Variants in RASAL2 observed in about 807,000 individuals in gnomAD.
The protein encoded by RASAL2 is ras GTPase-activating protein nGAP.
RASAL2 carries 58 observed loss-of-function variants against 128.9 expected under a neutral mutation model. That is an observed-to-expected ratio of 0.45 (90% CI 0.36 to 0.56). The LOEUF (loss-of-function observed/expected upper bound fraction) is 0.56. Among genes scored for constraint, RASAL2 ranks in the 20% least tolerant of loss-of-function variants. The pLI is 0.00. For synonymous variants in RASAL2, 561 were observed against 580.8 expected (o/e 0.97, Z 0.49); for missense variants, 1,360 against 1,601.6 (o/e 0.85, Z 2.57).
At chr1:178,261,790 G>A (rs1025365199) in intron 1 of RASAL2, among the ~76,000 whole-genome samples, 15 of 151,878 alleles carry the variant, frequency 9.9e-5, no homozygotes, top group Non-Finnish European at 2.1e-4. Flanking sequence ...GGTGGTGGGC[G>A]CCTGTCATCC....
chr1:178,286,542 C>T (rs1667035894), intron 2 of RASAL2, among the ~76,000 whole-genome samples: 1 of 152,128 alleles, frequency 6.6e-6, no homozygotes, highest in African/African-American at 2.4e-5. Context: ...TCCCGAGTAG[C>T]TGGGATTACA....
At chr1:178,258,293 C>CAAAAAAA (rs993642772) in intron 1 of RASAL2, among the ~76,000 whole-genome samples, 1 of 69,406 alleles carries the variant, frequency 1.4e-5, no homozygotes, top group South Asian at 5.2e-4. Flanking sequence ...GACTGCATCT[C>CAAAAAAA]AAAAAAAAAA....
At chr1:178,292,201 A>AT (rs1667310967) in intron 2 of RASAL2, among the ~76,000 whole-genome samples, 1 of 152,192 alleles carries the variant, frequency 6.6e-6, no homozygotes, top group Non-Finnish European at 1.5e-5. Flanking sequence ...GGGGGTGTTT[A>AT]TTGCTGTGTT....
rs186600203 is a variant in RASAL2, at chr1:178,123,466, A to T, written c.202+28772A>T. 1.1e-4 allele frequency among the ~76,000 whole-genome samples: 17 copies of T among 152,332 alleles called. No individual in the cohort carries two copies. In the East Asian group the frequency reaches 3.3e-3, roughly 29 times the overall value. On this transcript the variant is annotated intron_variant, in intron 1 of 17. Coordinates refer to ENST00000367649, the MANE Select transcript of RASAL2 (RefSeq NM_170692.4). ...GAACATCTAATTTTTGTTTAACCAA[A>T]GTAGAAAGTACTGTAATGCTTCTAA...
intron 1 of RASAL2, among the ~76,000 whole-genome samples, chr1:178,103,826 C>T (rs951626712): frequency 2.6e-5 from 4 of 151,962 alleles, no homozygotes; most frequent in African/African-American, 7.2e-5. Flanking sequence ...TTATGGTATT[C>T]CCCCCACCCT....
rs569416014 is a variant in RASAL2, at chr1:178,433,384, A to G, written c.675-6038A>G. On this transcript the variant is annotated intron_variant, in intron 5 of 17. Transcript: ENST00000367649. ...CATCCTTTTTCGTAAGTCTTGTCACATTGTATTATAATGGATTGTTAACTC... is the reference window on the plus strand; with the variant it reads ...CATCCTTTTTCGTAAGTCTTGTCACGTTGTATTATAATGGATTGTTAACTC... Among the ~76,000 whole-genome samples the G allele has an allele frequency of 4.3e-3, 651 of 152,146 alleles. 3 individuals carry two copies. The highest frequency in any genetic ancestry group is 7.8e-3 in the Non-Finnish European group (533 of 67,980).
intron 3 of RASAL2, among the ~76,000 whole-genome samples, chr1:178,334,717 C>T (rs1024841239): frequency 2.0e-5 from 3 of 152,150 alleles, no homozygotes; most frequent in African/African-American, 7.2e-5. Context: ...AAAAAATAGG[C>T]AGGCCGGATG....
intron 1 of RASAL2, among the ~76,000 whole-genome samples, chr1:178,120,313 T>C (rs1256752999): frequency 1.3e-5 from 2 of 152,230 alleles, no homozygotes; most frequent in Non-Finnish European, 2.9e-5. Flanking sequence ...AGTCCCCTGC[T>C]GTTTCACCAT....
intron 1 of RASAL2, among the ~76,000 whole-genome samples, chr1:178,272,592 A>T (rs544133205): frequency 6.6e-6 from 1 of 152,106 alleles, no homozygotes; most frequent in African/African-American, 2.4e-5. Flanking sequence ...CTCTCACTTT[A>T]GTTCAAGATG....
chr1:178,323,968 G>C (rs1668910060), intron 3 of RASAL2, among the ~76,000 whole-genome samples: 1 of 152,200 alleles, frequency 6.6e-6, no homozygotes, highest in African/African-American at 2.4e-5. Flanking sequence ...AACACATTCT[G>C]TCTGGAAGGA....
Position 178,470,885 on chromosome 1 carries a change from T to A in RASAL2, c.3679-2190T>A, listed in dbSNP as rs56254462. ...CCTTACAATCCAGGCAGAATTGAAATGTCCGAGCATCTTTTGTCAACTGAA... is the reference window on the plus strand; with the variant it reads ...CCTTACAATCCAGGCAGAATTGAAAAGTCCGAGCATCTTTTGTCAACTGAA... On this transcript the variant is annotated intron_variant, in intron 17 of 17. Coordinates refer to ENST00000367649, the MANE Select transcript of RASAL2 (RefSeq NM_170692.4). Among the ~76,000 whole-genome samples the A allele has an allele frequency of 9.6e-3, 1,462 of 152,358 alleles. 12 individuals are homozygous for A. Among genetic ancestry groups the A allele is most frequent in the Non-Finnish European group, 0.014 (984 of 68,036 alleles).
At chr1:178,128,966 G>T (rs1406525497) in intron 1 of RASAL2, among the ~76,000 whole-genome samples, 1 of 151,666 alleles carries the variant, frequency 6.6e-6, no homozygotes, top group Non-Finnish European at 1.5e-5. Context: ...TGGGTTGTTC[G>T]GCTATTATGA....
chr1:178,279,422 C>T (rs1302444401), intron 1 of RASAL2, among the ~76,000 whole-genome samples: 3 of 152,156 alleles, frequency 2.0e-5, no homozygotes, highest in African/African-American at 7.2e-5. Flanking sequence ...CATCCCTAAA[C>T]CAGGCCATTA....
intron 1 of RASAL2, among the ~76,000 whole-genome samples, chr1:178,148,490 C>T (rs1201086523): frequency 6.6e-6 from 1 of 151,612 alleles, no homozygotes; most frequent in Admixed American, 6.6e-5. Flanking sequence ...ACTTTGTCAG[C>T]CAGGCTAGAG....
At chr1:178,284,319 A>G (rs1348368083) in intron 2 of RASAL2, among the ~76,000 whole-genome samples, 2 of 152,220 alleles carry the variant, frequency 1.3e-5, no homozygotes, top group Non-Finnish European at 2.9e-5. Context: ...GTAAGACAGA[A>G]TAAACACTCC....
chr1:178,209,902 A>G (rs1231862199), intron 1 of RASAL2, among the ~76,000 whole-genome samples: 8 of 151,282 alleles, frequency 5.3e-5, no homozygotes, highest in Non-Finnish European at 1.2e-4. Context: ...ATTTATTTCT[A>G]TTTGAATTCT....
chr1:178,372,042 C>T (rs1173832303), intron 3 of RASAL2: 1 of 475,048 alleles, frequency 2.1e-6, no homozygotes, highest in Non-Finnish European at 2.7e-6. Context: ...ATTTCTTTCC[C>T]CCTCCCCCTG....
chr1:178,269,397 G>C (rs551675907), intron 1 of RASAL2, among the ~76,000 whole-genome samples: 1 of 152,206 alleles, frequency 6.6e-6, no homozygotes, highest in Admixed American at 6.5e-5. Flanking sequence ...TGTCAGACAC[G>C]TGTGAACCAG....
At chr1:178,314,000 G>A (rs1009611129) in intron 3 of RASAL2, among the ~76,000 whole-genome samples, 2 of 152,074 alleles carry the variant, frequency 1.3e-5, no homozygotes, top group African/African-American at 4.8e-5. Context: ...TTGTCTCTTT[G>A]TTAAATAAAA....
Sources: allele counts gnomAD v4.1 joint callset (sites outside exome capture counted in the v4.1 genomes callset), GRCh38; gene constraint gnomAD v4.1.1; transcripts MANE v1.5; gene names NCBI Gene and HGNC (gene_info 2026-07-23, HGNC 2026-07-21).